The following MPHOSPH9 variants were observed in gnomAD, a reference collection of about 807,000 sequenced individuals.
MPHOSPH9 encodes the protein M-phase phosphoprotein 9.
A neutral mutation model predicts 145.5 loss-of-function variants in MPHOSPH9; 88 were observed. The observed-to-expected ratio is 0.60, with a 90% CI of 0.51 to 0.72. The LOEUF (loss-of-function observed/expected upper bound fraction) is 0.72. Ranked by LOEUF, MPHOSPH9 falls within the 30% of genes least tolerant of loss-of-function variation. The probability of loss-of-function intolerance (pLI) is 0.00; values close to 1 mark genes in which losing one functional copy is unlikely to be tolerated. For missense variants in MPHOSPH9, 1,238 were observed against 1,386.6 expected (o/e 0.89, Z 1.70); for synonymous variants, 435 against 486.2 (o/e 0.89, Z 1.39).
chr12:123,190,585 A>G (rs1453240184), intron 13 of MPHOSPH9, among the ~76,000 whole-genome samples: 1 of 152,244 alleles, frequency 6.6e-6, no homozygotes, highest in African/African-American at 2.4e-5. Context: ...GAATGTGTCA[A>G]CATGGCAAAT....
downstream of MPHOSPH9, among the ~76,000 whole-genome samples, chr12:123,153,764 CAAAAAAAAAA>C (rs57564688): frequency 2.9e-4 from 32 of 109,326 alleles, no homozygotes; most frequent in African/African-American, 8.5e-4. Context: ...GACTCCATCT[CAAAAAAAAAA>C]AAAAAAAAAA....
chr12:123,174,661 C>T (rs1321773337), intron 16 of MPHOSPH9, among the ~76,000 whole-genome samples: 2 of 151,926 alleles, frequency 1.3e-5, no homozygotes, highest in East Asian at 1.9e-4. Flanking sequence ...CGTGAGCCAC[C>T]GCACCCGGCA....
rs2137821561 is a variant in MPHOSPH9 at position 123,156,263 on chromosome 12, A to G, written c.*544T>C. On this transcript the variant is annotated 3_prime_UTR_variant, in exon 24 of 24. Coordinates refer to ENST00000606320, the MANE Select transcript of MPHOSPH9 (RefSeq NM_022782.4). ...AGTTTTCAAAGCTTTCCAAGAGTCC[A>G]TTATTACTATTCTGATATTCACTCT... 6.6e-6 allele frequency: 1 copy of G among 152,350 alleles called. No homozygotes were observed. Among genetic ancestry groups the G allele is most frequent in the Non-Finnish European group, 1.5e-5 (1 of 68,020 alleles). 9.4% of individuals were successfully genotyped at this position (152,350 alleles called of 1,614,324 possible). A position where few individuals can be genotyped will look rare whatever the true frequency, so the allele number is the denominator to read the frequency against.
rs540995675 is a variant in MPHOSPH9 at position 123,200,349 on chromosome 12, G to A, written c.1937+1815C>T. ...CAGATCAAATCTTTTTTGGGAAGAG[G>A]AGAAAATAATGTACTGCTATTCATT... On this transcript the variant is annotated intron_variant, in intron 11 of 23. Transcript: ENST00000606320. Among the ~76,000 whole-genome samples the A allele has an allele frequency of 8.6e-4, 131 of 151,712 alleles. 1 individual carries two copies. The highest frequency in any genetic ancestry group is 6.8e-3 in the Middle Eastern group (2 of 294).
chr12:123,183,395 A>G (rs2045282696), intron 13 of MPHOSPH9, among the ~76,000 whole-genome samples: 1 of 151,846 alleles, frequency 6.6e-6, no homozygotes, highest in Non-Finnish European at 1.5e-5. Context: ...TAAAAATACA[A>G]AAATTAGTCA....
intron 17 of MPHOSPH9, 183 bp downstream of exon 17, chr12:123,166,472 G>A (rs994773567): frequency 1.4e-6 from 1 of 710,626 alleles, no homozygotes; most frequent in East Asian, 2.6e-5. Flanking sequence ...GGGGAAGCTT[G>A]GCAGAGCTCA....
intron 16 of MPHOSPH9, 109 bp downstream of exon 16, chr12:123,176,579 T>C: frequency 6.6e-6 from 5 of 762,830 alleles, no homozygotes; most frequent in South Asian, 1.8e-5. Flanking sequence ...TTAAGTTCTG[T>C]AATGACATTT....
intron 13 of MPHOSPH9, among the ~76,000 whole-genome samples, chr12:123,181,433 G>A (rs2045138754): frequency 6.6e-6 from 1 of 152,116 alleles, no homozygotes; most frequent in Admixed American, 6.6e-5. Flanking sequence ...AAAGCTGGAT[G>A]CGGTGGCTCA....
At chr12:123,164,601 A>G (rs2044235823) in intron 18 of MPHOSPH9, among the ~76,000 whole-genome samples, 1 of 152,252 alleles carries the variant, frequency 6.6e-6, no homozygotes, top group Non-Finnish European at 1.5e-5. Flanking sequence ...GAAATGTTAT[A>G]TCTCACTTCA....
At position 123,176,710 on chromosome 12, in the gene MPHOSPH9, G is replaced by A. The variant is rs941211901; in HGVS notation, c.2434C>T (p.His812Tyr). Reference sequence around the variant, plus strand: ...TACTTGGCACGCGAGGGTCTCACGTGAATTCTAGAATTATGACGAAGGCTT... The same window carrying A: ...TACTTGGCACGCGAGGGTCTCACGTAAATTCTAGAATTATGACGAAGGCTT... ...MLSLRHNSRI[H>Y]VRPSRANTLA... Residue 812 changes from histidine to tyrosine, a missense_variant, in exon 16 of 24, where the codon CAC becomes TAC. By Grantham distance (83) the His-to-Tyr change is moderately conservative (BLOSUM62 2). Around this residue, in one of 3 missense-constraint regions of MPHOSPH9, gnomAD observed 393 missense variants for 462.5 expected, o/e 0.85. Coordinates refer to ENST00000606320, the MANE Select transcript of MPHOSPH9 (RefSeq NM_022782.4). The A allele has an allele frequency of 2.5e-6, 4 of 1,613,764 alleles. No individual in the cohort carries two copies. Among genetic ancestry groups the A allele is most frequent in the Non-Finnish European group, 3.4e-6 (4 of 1,179,750 alleles).
intron 5 of MPHOSPH9, among the ~76,000 whole-genome samples, chr12:123,219,570 A>G (rs1377235971): frequency 4.0e-5 from 6 of 151,734 alleles, no homozygotes; most frequent in Non-Finnish European, 5.9e-5. Flanking sequence ...AAAAAAAAAA[A>G]AAGACTAACA....
At chr12:123,223,153 T>G in intron 3 of MPHOSPH9, 26 bp from the exon 4 acceptor site, 2 of 1,269,794 alleles carry the variant, frequency 1.6e-6, no homozygotes, top group Non-Finnish European at 1.0e-6. Flanking sequence ...ATATTTTAGT[T>G]AAAAATAATT....
intron 11 of MPHOSPH9, among the ~76,000 whole-genome samples, chr12:123,199,024 G>A (rs1360965677): frequency 6.7e-6 from 1 of 148,940 alleles, no homozygotes; most frequent in East Asian, 2.0e-4. Flanking sequence ...TTCTTTTTTT[G>A]AGACAGGATC....
chr12:123,202,363 T>TC, intron 10 of MPHOSPH9, 44 bp from the exon 11 acceptor site: 1 of 1,527,740 alleles, frequency 6.5e-7, no homozygotes, highest in Non-Finnish European at 8.8e-7. Context: ...AAAGCTATCT[T>TC]CAGTCTCCAT....
intron 3 of MPHOSPH9, among the ~76,000 whole-genome samples, chr12:123,225,254 G>A (rs2047388163): frequency 7.2e-6 from 1 of 137,964 alleles, no homozygotes; most frequent in East Asian, 3.6e-4. Context: ...GACTAACCTG[G>A]GCAACATAGC....
intron 8 of MPHOSPH9, among the ~76,000 whole-genome samples, chr12:123,209,294 TTGAAA>T (rs1304516075): frequency 6.6e-6 from 1 of 152,238 alleles, no homozygotes; most frequent in Non-Finnish European, 1.5e-5. Context: ...CAGACTGAAT[TTGAAA>T]ACAAGTGAGT....
At chr12:123,233,150 C>G (rs1330656436), upstream of MPHOSPH9, 2 of 152,106 alleles carry the variant, frequency 1.3e-5, no homozygotes, top group Non-Finnish European at 2.9e-5. Context: ...GGAGCGCGCG[C>G]GCGCCCGGCG....
In MPHOSPH9 at chr12:123,218,246, C is replaced by CAA; in HGVS notation, c.996+128_996+129dup. Reference sequence around the variant, plus strand: ...AAACTCCGTCTCAAAAAAACAACAACAAAAAAAATGTATAAATGAACAAAT... The same window carrying CAA: ...AAACTCCGTCTCAAAAAAACAACAACAAAAAAAAAATGTATAAATGAACAAAT... On this transcript the variant is annotated intron_variant, in intron 6 of 23. Coordinates refer to ENST00000606320, the MANE Select transcript of MPHOSPH9 (RefSeq NM_022782.4). The CAA allele has an allele frequency of 2.2e-6, 3 of 1,341,282 alleles. No homozygotes were observed. In the African/African-American group the frequency reaches 4.5e-5, roughly 20 times the overall value. The allele number at this position is 1,341,282 out of a possible 1,614,324, so 83.1% of individuals were successfully genotyped here. A position where few individuals can be genotyped will look rare whatever the true frequency, so the allele number is the denominator to read the frequency against.
intron 12 of MPHOSPH9, 44 bp downstream of exon 12, chr12:123,198,203 T>C (rs2138304184): frequency 7.2e-7 from 1 of 1,388,316 alleles, no homozygotes; most frequent in African/African-American, 1.4e-5. Flanking sequence ...CACGAAATAA[T>C]TCATTTGTCT....
Sources: gnomAD v4.1 joint callset for allele counts (sites outside exome capture counted in the v4.1 genomes callset) on GRCh38, gnomAD v4.1.1 for gene constraint, gnomAD v4.1.1 regional missense constraint, MANE v1.5 for transcripts, NCBI Gene and HGNC (gene_info 2026-07-23, HGNC 2026-07-21) for gene names.